CDK6: variants seen among roughly 807,000 people sequenced by gnomAD.
The protein encoded by CDK6 is cyclin dependent kinase 6.
In CDK6, 6 loss-of-function variants were observed where a neutral mutation model predicts 37.1. The ratio of observed to expected loss-of-function variants is 0.16; its 90% CI spans 0.09 to 0.32. The LOEUF (loss-of-function observed/expected upper bound fraction) is 0.32, where lower values mean the gene tolerates loss of function less well. Ranked by LOEUF, CDK6 falls within the 10% of genes least tolerant of loss-of-function variation. CDK6 has a pLI of 1.00. For synonymous variants in CDK6, 160 were observed against 161.3 expected (o/e 0.99, Z 0.06); for missense variants, 224 against 418.9 (o/e 0.53, Z 4.06).
Position 92,609,520 on chromosome 7 carries a change from CTG to C in CDK6, c.*5618_*5619del, listed in dbSNP as rs1204309332. On this transcript the variant is annotated 3_prime_UTR_variant, in exon 8 of 8. Coordinates refer to ENST00000424848, the MANE Select transcript of CDK6 (RefSeq NM_001145306.2). Reference sequence around the variant, plus strand: ...CCTGGTCTTTTGGTATTTTAGGGCTCTGTTTCAATACAGCAATTTTTCAGACA... The same window carrying C: ...CCTGGTCTTTTGGTATTTTAGGGCTCTTTCAATACAGCAATTTTTCAGACA... 4.4e-6 allele frequency: 1 copy of C among 228,428 alleles called. No individual in the cohort carries two copies. The highest frequency in any genetic ancestry group is 2.2e-5 in the African/African-American group (1 of 44,982). The allele number at this position is 228,428 out of a possible 1,614,324, so 14.2% of individuals were successfully genotyped here. A position where few individuals can be genotyped will look rare whatever the true frequency, so the allele number is the denominator to read the frequency against.
chr7:92,762,267 C>T (rs556630356), intron 3 of CDK6, among the ~76,000 whole-genome samples: 102 of 152,192 alleles, frequency 6.7e-4, no homozygotes, highest in African/African-American at 2.3e-3. Context: ...AAATAAATCT[C>T]TCCTTCTTTT....
chr7:92,798,463 T>G (rs551902676), intron 2 of CDK6, among the ~76,000 whole-genome samples: 30 of 152,338 alleles, frequency 2.0e-4, no homozygotes, highest in African/African-American at 6.3e-4. Flanking sequence ...CAACAAATAT[T>G]AACTGTGTTT....
intron 4 of CDK6, among the ~76,000 whole-genome samples, chr7:92,694,900 A>G (rs1482414880): frequency 6.6e-6 from 1 of 152,176 alleles, no homozygotes; most frequent in Non-Finnish European, 1.5e-5. Flanking sequence ...ATTGAAATAT[A>G]TCTCTGGTTC....
At chr7:92,633,447 G>A (rs1796100694) in intron 5 of CDK6, among the ~76,000 whole-genome samples, 1 of 152,084 alleles carries the variant, frequency 6.6e-6, no homozygotes, top group African/African-American at 2.4e-5. Context: ...TGCAAATTCA[G>A]ATATGAATAA....
At chr7:92,619,866 G>A (rs1039537116) in intron 6 of CDK6, among the ~76,000 whole-genome samples, 11 of 151,914 alleles carry the variant, frequency 7.2e-5, no homozygotes, top group Admixed American at 1.3e-4. Context: ...CAATAGTACA[G>A]CCTACAATAG....
chr7:92,639,524 G>A (rs964512874), intron 5 of CDK6, among the ~76,000 whole-genome samples: 1 of 152,216 alleles, frequency 6.6e-6, no homozygotes, highest in Non-Finnish European at 1.5e-5. Context: ...GTTCTCACTG[G>A]AAAATTGGAG....
At chr7:92,691,837 G>A (rs1797606274) in intron 4 of CDK6, among the ~76,000 whole-genome samples, 1 of 152,172 alleles carries the variant, frequency 6.6e-6, no homozygotes, top group Admixed American at 6.5e-5. Context: ...TCAAATACAG[G>A]GAAGTACTTT....
chr7:92,731,732 C>T (rs1746374176), intron 3 of CDK6, among the ~76,000 whole-genome samples: 1 of 151,676 alleles, frequency 6.6e-6, no homozygotes, highest in Non-Finnish European at 1.5e-5. Context: ...GGTAAAGAAT[C>T]AGTCTCAACT....
At chr7:92,820,072 A>C (rs924636278) in intron 2 of CDK6, among the ~76,000 whole-genome samples, 5 of 152,116 alleles carry the variant, frequency 3.3e-5, no homozygotes, top group African/African-American at 1.2e-4. Context: ...AACCCACCAT[A>C]TGTAGACACA....
chr7:92,825,468 A>G (rs1367408384), intron 2 of CDK6, among the ~76,000 whole-genome samples: 3 of 152,036 alleles, frequency 2.0e-5, no homozygotes, highest in Non-Finnish European at 4.4e-5. Flanking sequence ...GTGCACACAC[A>G]CACACACACA....
At chr7:92,616,034 T>A (rs1422769371) in intron 7 of CDK6, among the ~76,000 whole-genome samples, 1 of 152,104 alleles carries the variant, frequency 6.6e-6, no homozygotes, top group Non-Finnish European at 1.5e-5. Flanking sequence ...CATCAACGCC[T>A]CCTGCTGGGT....
At chr7:92,810,933 G>A (rs927221263) in intron 2 of CDK6, among the ~76,000 whole-genome samples, 3 of 152,176 alleles carry the variant, frequency 2.0e-5, no homozygotes, top group Non-Finnish European at 4.4e-5. Flanking sequence ...GGGCATGGTG[G>A]TGCGTGCCTG....
rs879930209 is a variant in CDK6, at chr7:92,668,738, T to C, written c.647+2688A>G. 1.3e-5 allele frequency among the ~76,000 whole-genome samples: 2 copies of C among 152,152 alleles called. 1 individual carries two copies. The highest frequency in any genetic ancestry group is 1.3e-4 in the Admixed American group (2 of 15,268). Reference sequence around the variant, plus strand: ...TCAAGTCAGAACCAGGTCAAGCTGGTGATGGACCCCAGAACTCATCTGGCA... The same window carrying C: ...TCAAGTCAGAACCAGGTCAAGCTGGCGATGGACCCCAGAACTCATCTGGCA... On this transcript the variant is annotated intron_variant, in intron 5 of 7. Coordinates refer to ENST00000424848, the MANE Select transcript of CDK6 (RefSeq NM_001145306.2).
intron 2 of CDK6, among the ~76,000 whole-genome samples, chr7:92,811,132 A>G (rs1410482311): frequency 1.3e-5 from 2 of 152,204 alleles, no homozygotes; most frequent in Non-Finnish European, 2.9e-5. Flanking sequence ...TTGAAGTAAC[A>G]TAAATAATCA....
intron 4 of CDK6, among the ~76,000 whole-genome samples, chr7:92,724,647 C>T (rs1798466335): frequency 6.6e-6 from 1 of 151,980 alleles, no homozygotes; most frequent in Admixed American, 6.6e-5. Flanking sequence ...AAAGATGTTG[C>T]CAATCATTAC....
chr7:92,658,333 ATT>A (rs1393892595), intron 5 of CDK6, among the ~76,000 whole-genome samples: 5 of 152,180 alleles, frequency 3.3e-5, no homozygotes, highest in Admixed American at 2.0e-4. Context: ...TGCAGTAAAT[ATT>A]GTTTGTATTT....
intron 3 of CDK6, among the ~76,000 whole-genome samples, chr7:92,771,246 T>A (rs1295876583): frequency 2.7e-5 from 3 of 112,604 alleles, no homozygotes; most frequent in Non-Finnish European, 3.8e-5. Flanking sequence ...ATAAATAAAA[T>A]AAATAAATAA....
At position 92,610,850 on chromosome 7, in the gene CDK6, G is replaced by C. The variant is rs1236848662; in HGVS notation, c.*4290C>G. 1 of 228,268 alleles carries C rather than the reference G, an allele frequency of 4.4e-6. No homozygotes were observed. Among genetic ancestry groups the C allele is most frequent in the African/African-American group, 2.2e-5 (1 of 45,102 alleles). 14.1% of individuals were successfully genotyped at this position (228,268 alleles called of 1,614,324 possible). A position where few individuals can be genotyped will look rare whatever the true frequency, so the allele number is the denominator to read the frequency against. On this transcript the variant is annotated 3_prime_UTR_variant, in exon 8 of 8. Coordinates refer to ENST00000424848, the MANE Select transcript of CDK6 (RefSeq NM_001145306.2). The stretch of plus-strand genomic sequence containing the variant: ...TTTTTCAAAAGTATTGGTGGCATAG[G>C]AAACACATGCCTTTTAAAAATTTAT...
At chr7:92,703,052 C>T (rs1430704980) in intron 4 of CDK6, among the ~76,000 whole-genome samples, 1 of 152,156 alleles carries the variant, frequency 6.6e-6, no homozygotes, top group Non-Finnish European at 1.5e-5. Flanking sequence ...CTAATCGAGA[C>T]CCACTGATAT....
Sources: allele counts gnomAD v4.1 joint callset (sites outside exome capture counted in the v4.1 genomes callset), GRCh38; gene constraint gnomAD v4.1.1; transcripts MANE v1.5; gene names NCBI Gene and HGNC (gene_info 2026-07-23, HGNC 2026-07-21).